Variants in LAG3 observed in about 807,000 individuals in gnomAD.
LAG3 encodes lymphocyte activating 3, also known as lymphocyte activation gene 3 protein.
In LAG3, 29 loss-of-function variants were observed where a neutral mutation model predicts 49.0. The ratio of observed to expected loss-of-function variants is 0.59; its 90% CI spans 0.44 to 0.81. The LOEUF is 0.81. Ranked by LOEUF, LAG3 falls within the 30% of genes least tolerant of loss-of-function variation. The probability of loss-of-function intolerance (pLI) is 0.00; values close to 1 mark genes in which losing one functional copy is unlikely to be tolerated. For synonymous variants in LAG3, 320 were observed against 297.3 expected (o/e 1.08, Z -0.79); for missense variants, 693 against 695.2 (o/e 1.00, Z 0.04).
At chr12:6,777,576 C>T in intron 6 of LAG3, 70 bp downstream of exon 6, 1 of 1,551,494 alleles carries the variant, frequency 6.4e-7, no homozygotes, top group Non-Finnish European at 8.7e-7. Flanking sequence ...CAGAACAGCC[C>T]CTGCCACCCC....
Position 6,776,834 on chromosome 12 carries a change from T to G in LAG3, c.1058-430T>G, listed in dbSNP as rs553231921. On this transcript the variant is annotated intron_variant, in intron 5 of 7. Transcript: ENST00000203629. ...GAGTAGAAAGTAATGTAAAAGAATCTGTAATAGTATTTATTCTGTGGTCTG... is the reference window on the plus strand; with the variant it reads ...GAGTAGAAAGTAATGTAAAAGAATCGGTAATAGTATTTATTCTGTGGTCTG... 2.0e-5 allele frequency among the ~76,000 whole-genome samples: 3 copies of G among 152,328 alleles called. No homozygotes were observed. In the South Asian group the frequency reaches 6.2e-4, roughly 32 times the overall value.
At chr12:6,774,253 G>A (rs1200151104) in intron 3 of LAG3, among the ~76,000 whole-genome samples, 3 of 152,238 alleles carry the variant, frequency 2.0e-5, no homozygotes, top group African/African-American at 7.2e-5. Context: ...GTGCCCAGAG[G>A]GAGGGGGAGG....
chr12:6,774,946 A>G, intron 4 of LAG3, 82 bp downstream of exon 4: 1 of 1,406,118 alleles, frequency 7.1e-7, no homozygotes, highest in Middle Eastern at 1.8e-4. Flanking sequence ...GGGTCCCCAA[A>G]CCAGGTTCTC....
chr12:6,774,118 C>T (rs1431980012), intron 3 of LAG3, 117 bp downstream of exon 3: 16 of 1,322,904 alleles, frequency 1.2e-5, no homozygotes, highest in Non-Finnish European at 1.4e-5. Flanking sequence ...GGAGAGCTCC[C>T]AGAAGAGTAG....
intron 4 of LAG3, 128 bp downstream of exon 4, chr12:6,774,992 A>C: frequency 3.1e-6 from 3 of 973,158 alleles, no homozygotes; most frequent in Non-Finnish European, 4.7e-6. Flanking sequence ...TGTGGGTCTC[A>C]CTGTTCGACC....
At position 6,773,003 on chromosome 12, in the gene LAG3, C is replaced by G; in HGVS notation, c.58+93C>G. The G allele has an allele frequency of 7.0e-7, 1 of 1,435,996 alleles. No individual in the cohort carries two copies. Among genetic ancestry groups the G allele is most frequent in the Admixed American group, 1.7e-5 (1 of 57,534 alleles). The allele number at this position is 1,435,996 out of a possible 1,614,324, so 89.0% of individuals were successfully genotyped here. On this transcript the variant is annotated intron_variant, in intron 1 of 7. Transcript: ENST00000203629. This position sits in a 1 kb window ranked among gnomAD's most constrained non-coding sequence, Gnocchi z 5.5. ...GCCACAAAGGTCCTGAGGTCCTTAG[C>G]TCTGTGGATTCTTCTAATCCCTTTT...
At chr12:6,777,149 C>A in intron 5 of LAG3, 115 bp from the exon 6 acceptor site, 2 of 1,208,928 alleles carry the variant, frequency 1.7e-6, no homozygotes, top group South Asian at 2.8e-5. Context: ...CCTTCCCCAA[C>A]CTCCCCTGGC....
chr12:6,774,072 A>G (rs972387481), intron 3 of LAG3, 71 bp downstream of exon 3: 13 of 1,367,820 alleles, frequency 9.5e-6, no homozygotes, highest in Middle Eastern at 2.7e-4. Flanking sequence ...GGGACGCAGG[A>G]AGGGCTGGGG....
At chr12:6,775,728 T>C in intron 5 of LAG3, 180 bp downstream of exon 5, 1 of 615,428 alleles carries the variant, frequency 1.6e-6, no homozygotes, top group Non-Finnish European at 2.8e-6. Flanking sequence ...GAAACGAAAC[T>C]GAAAATCTCC....
chr12:6,773,050 A>T lies in LAG3; in HGVS notation c.58+140A>T. On this transcript the variant is annotated intron_variant, in intron 1 of 7. Transcript: ENST00000203629. This position sits in a 1 kb window ranked among gnomAD's most constrained non-coding sequence, Gnocchi z 5.5. ...TTTTTTGGGCAGTCCTTCCACCCCG[A>T]AAGCCTCTCTGGGCAGAGAAGAAAC... The T allele has an allele frequency of 1.5e-6, 2 of 1,376,188 alleles. No individual in the cohort carries two copies. The highest frequency in any genetic ancestry group is 2.0e-6 in the Non-Finnish European group (2 of 990,476). 85.2% of individuals were successfully genotyped at this position (1,376,188 alleles called of 1,614,324 possible). A position where few individuals can be genotyped will look rare whatever the true frequency, so the allele number is the denominator to read the frequency against.
At chr12:6,776,063 G>A (rs4764620) in intron 5 of LAG3, among the ~76,000 whole-genome samples, 99,377 of 152,050 alleles carry the variant, frequency 0.65, 32,689 homozygotes, top group Non-Finnish European at 0.67. Context: ...GATAACTATC[G>A]GCCATGACAG....
At position 6,778,374 on chromosome 12, in the gene LAG3, A is replaced by T. The variant is rs776541371; in HGVS notation, c.1562A>T (p.Glu521Val). Residue 521 changes from glutamate (E) to valine (V), a missense_variant, in exon 8 of 8, where the codon GAG (glutamate) becomes GTG (valine). Physicochemically the swap from Glu to Val is moderately radical, Grantham distance 121. Transcript: ENST00000203629. ...EPEPEPEPEPEPEQL is the reference protein window; with the variant it reads ...EPEPEPEPEPVPEQL ...GAACCGGAGCCCGAGCCCGAGCCCG[A>T]GCCGGAGCAGCTCTGACCTGGAGCT... 1.2e-6 allele frequency: 2 copies of T among 1,611,298 alleles called. No homozygotes were observed. Among genetic ancestry groups the T allele is most frequent in the South Asian group, 2.2e-5 (2 of 91,054 alleles).
Position 6,775,287 on chromosome 12 carries a change from A to T in LAG3, c.796A>T (p.Thr266Ser). ...NLTVLGLEPPTPLTVYAGAGS... is the reference protein window; with the variant it reads ...NLTVLGLEPPSPLTVYAGAGS... ...TTTCTCTTCAGGTCTGGAGCCCCCA[A>T]CTCCCTTGACAGTGTACGCTGGAGC... The change falls in exon 5 of 8, where the codon ACT becomes TCT. Residue 266 changes from threonine to serine, a missense_variant. Transcript: ENST00000203629. 6.2e-7 allele frequency: 1 copy of T among 1,613,242 alleles called. No individual in the cohort carries two copies. The highest frequency in any genetic ancestry group is 2.2e-5 in the East Asian group (1 of 44,848).
At chr12:6,774,552 T>G (rs1369332309) in intron 3 of LAG3, 43 bp from the exon 4 acceptor site, 1 of 1,579,048 alleles carries the variant, frequency 6.3e-7, no homozygotes, top group East Asian at 2.2e-5. Context: ...TGTTGGGAAA[T>G]TGTTTCCAGT....
intron 7 of LAG3, 139 bp from the exon 8 acceptor site, chr12:6,778,105 G>T: frequency 2.3e-6 from 3 of 1,307,556 alleles, no homozygotes; most frequent in Non-Finnish European, 3.2e-6. Context: ...TGGAAGGGGG[G>T]TTGGGAGAAA....
rs1258855733 is a variant in LAG3 at position 6,772,614 on chromosome 12, C to T, written c.-239C>T. 3.9e-6 allele frequency: 2 copies of T among 516,928 alleles called. No homozygotes were observed. The highest frequency in any genetic ancestry group is 6.9e-6 in the Non-Finnish European group (2 of 289,706). 32.0% of individuals were successfully genotyped at this position (516,928 alleles called of 1,614,324 possible). A position where few individuals can be genotyped will look rare whatever the true frequency, so the allele number is the denominator to read the frequency against. Reference sequence around the variant, plus strand: ...CTCTGTTCCCTGGGACACCCCCGCCCCCACCTCCTCAGGCTGCCTGATCTG... The same window carrying T: ...CTCTGTTCCCTGGGACACCCCCGCCTCCACCTCCTCAGGCTGCCTGATCTG... On this transcript the variant is annotated 5_prime_UTR_variant, in exon 1 of 8. Transcript: ENST00000203629.
intron 7 of LAG3, 62 bp from the exon 8 acceptor site, chr12:6,778,182 C>T: frequency 6.7e-7 from 1 of 1,485,044 alleles, no homozygotes; most frequent in Non-Finnish European, 9.2e-7. Context: ...CCCTCCTCAT[C>T]CGCTTCCCTT....
chr12:6,773,870 G>C lies in LAG3; in HGVS notation c.380G>C (p.Arg127Pro), dbSNP rs910232789. Residue 127 changes from arginine to proline, a missense_variant, in exon 3 of 8, where the codon CGG becomes CCG. Transcript: ENST00000203629. The surrounding 1 kb of genome is among the most constrained non-coding windows in gnomAD (Gnocchi z 5.5). Reference protein sequence around the residue: ...QPRVQLDERGRQRGDFSLWLR... With the variant: ...QPRVQLDERGPQRGDFSLWLR... ...CGCGTCCAGCTGGATGAGCGCGGCCGGCAGCGCGGGGACTTCTCGCTATGG... is the reference window on the plus strand; with the variant it reads ...CGCGTCCAGCTGGATGAGCGCGGCCCGCAGCGCGGGGACTTCTCGCTATGG... 3 of 1,399,964 alleles carry C rather than the reference G, an allele frequency of 2.1e-6. No individual in the cohort carries two copies. Among genetic ancestry groups the C allele is most frequent in the Middle Eastern group, 2.6e-4 (1 of 3,910 alleles). The allele number at this position is 1,399,964 out of a possible 1,614,324, so 86.7% of individuals were successfully genotyped here.
Position 6,777,379 on chromosome 12 carries a change from G to C in LAG3, c.1173G>C (p.Arg391Ser), listed in dbSNP as rs1009982287. The C allele has an allele frequency of 2.5e-6, 4 of 1,613,964 alleles. No individual in the cohort carries two copies. In the African/African-American group the frequency reaches 5.3e-5, roughly 22 times the overall value. Residue 391 changes from arginine (R) to serine (S), a missense_variant, in exon 6 of 8, where the codon AGG becomes AGC. Coordinates refer to ENST00000203629, the MANE Select transcript of LAG3 (RefSeq NM_002286.6). Reference sequence around the variant, plus strand: ...GCTCTCTGGACACCCCATCCCAGAGGAGTTTCTCAGGACCTTGGCTGGAGG... The same window carrying C: ...GCTCTCTGGACACCCCATCCCAGAGCAGTTTCTCAGGACCTTGGCTGGAGG... The part of the protein sequence containing the change: ...VWSSLDTPSQ[R>S]SFSGPWLEAQ...
Sources: gnomAD v4.1 joint callset for allele counts (sites outside exome capture counted in the v4.1 genomes callset) on GRCh38, gnomAD v4.1.1 for gene constraint, Gnocchi (gnomAD v3.1) non-coding constraint, MANE v1.5 for transcripts, NCBI Gene and HGNC (gene_info 2026-07-23, HGNC 2026-07-21) for gene names.